TRPC4AP: variants seen among roughly 807,000 people sequenced by gnomAD.
TRPC4AP encodes short transient receptor potential channel 4-associated protein.
Under a neutral mutation model 99.0 loss-of-function variants are expected in TRPC4AP, and 45 were observed. That is an observed-to-expected ratio of 0.45 (90% CI 0.36 to 0.58). The LOEUF is 0.58. Among genes scored for constraint, TRPC4AP ranks in the 20% least tolerant of loss-of-function variants. The probability of loss-of-function intolerance (pLI) is 0.00; values close to 1 mark genes in which losing one functional copy is unlikely to be tolerated. For missense variants in TRPC4AP, 879 were observed against 985.3 expected (o/e 0.89, Z 1.44); for synonymous variants, 408 against 385.8 (o/e 1.06, Z -0.67).
At chr20:35,029,837 C>T (rs1254859604) in intron 8 of TRPC4AP, among the ~76,000 whole-genome samples, 1 of 148,516 alleles carries the variant, frequency 6.7e-6, no homozygotes, top group Non-Finnish European at 1.5e-5. Flanking sequence ...GGGGTTTCAC[C>T]ACGTTAGCCA....
At chr20:35,060,348 A>G (rs979452014) in intron 3 of TRPC4AP, among the ~76,000 whole-genome samples, 2 of 152,152 alleles carry the variant, frequency 1.3e-5, no homozygotes, top group Admixed American at 6.5e-5. Flanking sequence ...GCACTTTGAG[A>G]CGTCAAGGCA....
At chr20:35,085,097 T>C (rs998851417) in intron 1 of TRPC4AP, among the ~76,000 whole-genome samples, 1 of 152,220 alleles carries the variant, frequency 6.6e-6, no homozygotes, top group Admixed American at 6.5e-5. Context: ...CTGGCTCTCC[T>C]GTTTCCTGGA....
At chr20:35,060,172 C>T (rs2083960375) in intron 3 of TRPC4AP, among the ~76,000 whole-genome samples, 1 of 152,074 alleles carries the variant, frequency 6.6e-6, no homozygotes, top group Non-Finnish European at 1.5e-5. Context: ...TTCTTTGAGG[C>T]GAGTATTACC....
rs375671403 is a variant in TRPC4AP at position 35,069,732 on chromosome 20, G to A, written c.298-320C>T. On this transcript the variant is annotated intron_variant, in intron 2 of 18. Transcript: ENST00000252015. Reference sequence around the variant, plus strand: ...AAGGTGGGCGGATTACTTGAGGCCAGGAGTTTGAGACCAGCCTGGCCAACA... The same window carrying A: ...AAGGTGGGCGGATTACTTGAGGCCAAGAGTTTGAGACCAGCCTGGCCAACA... 1.9e-4 allele frequency among the ~76,000 whole-genome samples: 29 copies of A among 152,288 alleles called. No homozygotes were observed. The East Asian group carries it at 5.6e-3, about 29-fold the overall frequency.
At chr20:35,037,673 A>G (rs1350684391) in intron 7 of TRPC4AP, among the ~76,000 whole-genome samples, 1 of 152,254 alleles carries the variant, frequency 6.6e-6, no homozygotes, top group Non-Finnish European at 1.5e-5. Flanking sequence ...GCCACATGCT[A>G]TATGATTCCA....
chr20:35,018,838 A>G (rs1056713895), intron 9 of TRPC4AP, among the ~76,000 whole-genome samples: 10 of 152,148 alleles, frequency 6.6e-5, no homozygotes. Flanking sequence ...CCCTGGGTTC[A>G]CAAGATAGCT....
intron 3 of TRPC4AP, among the ~76,000 whole-genome samples, chr20:35,059,438 C>T (rs911656573): frequency 2.0e-5 from 3 of 152,062 alleles, no homozygotes; most frequent in African/African-American, 7.2e-5. Context: ...GGTGGGAGGA[C>T]TGATTGAAGC....
intron 7 of TRPC4AP, 143 bp from the exon 8 acceptor site, chr20:35,035,451 A>T: frequency 9.7e-6 from 9 of 929,094 alleles, no homozygotes; most frequent in Non-Finnish European, 1.2e-5. Flanking sequence ...TGAATGTCAA[A>T]CCAAGGTAAA....
Position 35,092,683 on chromosome 20 carries a change from C to T in TRPC4AP, c.99G>A (p.Arg33=), listed in dbSNP as rs777242983. 8.8e-4 allele frequency: 1,346 copies of T among 1,530,262 alleles called. 1 individual carries two copies. The highest frequency in any genetic ancestry group is 1.0e-3 in the Non-Finnish European group (1,205 of 1,148,164). The allele number at this position is 1,530,262 out of a possible 1,614,324, so 94.8% of individuals were successfully genotyped here. Residue 33 remains arginine, a synonymous_variant, in exon 1 of 19, where the codon CGG becomes CGA. Coordinates refer to ENST00000252015, the MANE Select transcript of TRPC4AP (RefSeq NM_015638.3). ...GCAGCTGCAGCAGAATGTTACCAGG[C>T]CGCGGCCGGCCGCCCCATCCGCCCC... ...AAWGGWGGRP[R]PGNILLQLRQ... is the part of the protein sequence containing the mutation.
rs2082423382 is a variant in TRPC4AP, at chr20:35,002,907, G to A, written c.*239C>T. The A allele has an allele frequency of 2.2e-5, 11 of 492,710 alleles. 1 individual carries two copies. The East Asian group carries it at 3.7e-4, about 16-fold the overall frequency. 30.5% of individuals were successfully genotyped at this position (492,710 alleles called of 1,614,324 possible). A position where few individuals can be genotyped will look rare whatever the true frequency, so the allele number is the denominator to read the frequency against. On this transcript the variant is annotated 3_prime_UTR_variant, in exon 19 of 19. Transcript: ENST00000252015. ...GGGTGGCCCTGGGCCCCAGGGTTCT[G>A]AAGGAAAGGTGGGCATGGTACCCTG...
intron 4 of TRPC4AP, 90 bp from the exon 5 acceptor site, chr20:35,055,121 T>G: frequency 8.9e-7 from 1 of 1,125,924 alleles, no homozygotes; most frequent in African/African-American, 1.6e-5. Context: ...AGAACTGTTA[T>G]AATCCCCTCC....
intron 5 of TRPC4AP, among the ~76,000 whole-genome samples, chr20:35,054,198 T>TC (rs1189780456): frequency 3.3e-5 from 5 of 151,730 alleles, no homozygotes; most frequent in African/African-American, 1.2e-4. Flanking sequence ...TGTTTTTTTT[T>TC]TTTTATTTCC....
At chr20:35,051,263 A>T (rs1485468396) in intron 5 of TRPC4AP, among the ~76,000 whole-genome samples, 1 of 152,188 alleles carries the variant, frequency 6.6e-6, no homozygotes, top group Non-Finnish European at 1.5e-5. Context: ...GCATTTCAGA[A>T]TCAGTGAAAT....
chr20:35,062,820 T>C (rs1011147180), intron 3 of TRPC4AP, among the ~76,000 whole-genome samples: 1 of 152,252 alleles, frequency 6.6e-6, no homozygotes, highest in African/African-American at 2.4e-5. Flanking sequence ...TTATATCTTT[T>C]AATATATCTT....
At position 35,020,334 on chromosome 20, in the gene TRPC4AP, C is replaced by T. The variant is rs983459147; in HGVS notation, c.1218+856G>A. On this transcript the variant is annotated intron_variant, in intron 9 of 18. Transcript: ENST00000252015. ...AAGTCTTTAAAATGGCCTGTGACAG[C>T]TTGACATGACCTGGTCCCTGTGAGC... Among the ~76,000 whole-genome samples the T allele has an allele frequency of 3.3e-5, 5 of 152,190 alleles. No individual in the cohort carries two copies. The East Asian group carries it at 9.6e-4, about 29-fold the overall frequency.
chr20:35,073,864 C>T (rs2084393933), intron 2 of TRPC4AP, among the ~76,000 whole-genome samples: 1 of 152,146 alleles, frequency 6.6e-6, no homozygotes, highest in South Asian at 2.1e-4. Flanking sequence ...CTCTTTGTAC[C>T]TCTGGTAGAA....
At position 35,024,856 on chromosome 20, in the gene TRPC4AP, T is replaced by A. The variant is rs1449870129; in HGVS notation, c.1052-3500A>T. Among the ~76,000 whole-genome samples, 39 of 63,688 alleles carry A rather than the reference T, an allele frequency of 6.1e-4. 3 individuals carry two copies. The East Asian group carries it at 0.017, about 27-fold the overall frequency. The allele number at this position is 63,688 out of a possible 152,430, so 41.8% of individuals were successfully genotyped here. ...AAAAAAAAAAAAAAAAAAAAAAAAA[T>A]TCTGTTTATTCATTAATCAGGTGAC... On this transcript the variant is annotated intron_variant, in intron 8 of 18. Coordinates refer to ENST00000252015, the MANE Select transcript of TRPC4AP (RefSeq NM_015638.3).
Position 35,008,656 on chromosome 20 carries a change from A to T in TRPC4AP, c.1595+8T>A. 1 of 1,612,548 alleles carries T rather than the reference A, an allele frequency of 6.2e-7. No homozygotes were observed. The highest frequency in any genetic ancestry group is 8.5e-7 in the Non-Finnish European group (1 of 1,179,288). On this transcript the variant is annotated splice_region_variant and intron_variant, in intron 13 of 18. Transcript: ENST00000252015. ...GCAGAATCGGCAGGTACTTTTCCCCAGACTCACCTGAAAGACGACTCTGCT... is the reference window on the plus strand; with the variant it reads ...GCAGAATCGGCAGGTACTTTTCCCCTGACTCACCTGAAAGACGACTCTGCT...
chr20:35,040,941 CGA>C (rs1300514107), intron 7 of TRPC4AP, among the ~76,000 whole-genome samples: 3 of 151,416 alleles, frequency 2.0e-5, no homozygotes, highest in Non-Finnish European at 4.4e-5. Flanking sequence ...GGCCCTAAAC[CGA>C]GAGGACTGGT....
Sources: allele counts gnomAD v4.1 joint callset (sites outside exome capture counted in the v4.1 genomes callset), GRCh38; gene constraint gnomAD v4.1.1; transcripts MANE v1.5; gene names NCBI Gene and HGNC (gene_info 2026-07-23, HGNC 2026-07-21).